The following MTR variants were observed in gnomAD, a reference collection of about 807,000 sequenced individuals.
MTR encodes the protein methionine synthase.
Under a neutral mutation model 154.8 loss-of-function variants are expected in MTR, and 84 were observed. That is an observed-to-expected ratio of 0.54 (90% CI 0.45 to 0.65). The LOEUF (loss-of-function observed/expected upper bound fraction) is 0.65, where lower values mean the gene tolerates loss of function less well. Ranked by LOEUF, MTR falls within the 30% of genes least tolerant of loss-of-function variation. The probability of loss-of-function intolerance (pLI) is 0.00; values close to 1 mark genes in which losing one functional copy is unlikely to be tolerated. For missense variants in MTR, 1,275 were observed against 1,570.2 expected, an observed-to-expected ratio of 0.81 and a Z score of 3.18; for synonymous variants, 554 against 553.9, an observed-to-expected ratio of 1.00 and a Z score of 0.00.
At chr1:236,843,330 C>T (rs1417815606) in intron 15 of MTR, among the ~76,000 whole-genome samples, 4 of 151,538 alleles carry the variant, frequency 2.6e-5, no homozygotes, top group Non-Finnish European at 5.9e-5. Flanking sequence ...AGATGCTTGT[C>T]CTGTTTGAAA....
chr1:236,812,478 C>G (rs541693683), intron 5 of MTR, among the ~76,000 whole-genome samples: 81 of 152,348 alleles, frequency 5.3e-4, no homozygotes, highest in African/African-American at 1.8e-3. Context: ...ATTCATACGC[C>G]TTCCCTCTCA....
Position 236,812,742 on chromosome 1 carries a change from T to C in MTR, c.507T>C (p.Phe169=). 2.5e-6 allele frequency: 4 copies of C among 1,613,952 alleles called. No individual in the cohort carries two copies. The highest frequency in any genetic ancestry group is 2.5e-6 in the Non-Finnish European group (3 of 1,179,848). Residue 169 remains phenylalanine, a synonymous_variant, in exon 6 of 33, where the codon TTT becomes TTC. Transcript: ENST00000366577. ...GGTGTGATTTATTTTTTGCAGCATT[T>C]GATGAGCTTGTTGAAGCATACCAAG... ...VERPDYRNIT[F]DELVEAYQEQ...
chr1:236,844,054 T>TA (rs1477665504), intron 15 of MTR, among the ~76,000 whole-genome samples: 1 of 152,128 alleles, frequency 6.6e-6, no homozygotes, highest in Non-Finnish European at 1.5e-5. Flanking sequence ...AAGTGAGTCT[T>TA]AGAGCCACAG....
chr1:236,869,333 T>C (rs1268316990), intron 22 of MTR, among the ~76,000 whole-genome samples: 1 of 152,192 alleles, frequency 6.6e-6, no homozygotes, highest in Non-Finnish European at 1.5e-5. Flanking sequence ...ATTAAATGCT[T>C]GCTCTCATAG....
chr1:236,881,921 T>C (rs1665757734), intron 25 of MTR, among the ~76,000 whole-genome samples: 1 of 152,172 alleles, frequency 6.6e-6, no homozygotes, highest in Admixed American at 6.5e-5. Context: ...GATTAGGAAC[T>C]CTGCTGAGAC....
chr1:236,859,163 TG>T (rs1664378214), intron 18 of MTR, among the ~76,000 whole-genome samples: 1 of 152,258 alleles, frequency 6.6e-6, no homozygotes, highest in African/African-American at 2.4e-5. Flanking sequence ...AGTATGGCCT[TG>T]GCCCCTGGTG....
rs943106018 is a variant in MTR at position 236,814,421 on chromosome 1, G to C, written c.610-1183G>C. Among the ~76,000 whole-genome samples, 3 of 152,130 alleles carry C rather than the reference G, an allele frequency of 2.0e-5. No individual in the cohort carries two copies. In the East Asian group the frequency reaches 5.8e-4, roughly 29 times the overall value. ...TTAAGCATTAAGGATAGGTTTTGTT[G>C]AGTTTCTAAGTTTTCGAATGTGTGG... On this transcript the variant is annotated intron_variant, in intron 6 of 32. Transcript: ENST00000366577.
intron 8 of MTR, chr1:236,819,566 A>G (rs948882994): frequency 5.1e-6 from 2 of 391,626 alleles, no homozygotes; most frequent in Admixed American, 3.6e-5. Flanking sequence ...TGGCCTTTCC[A>G]TGCTACTCAC....
At chr1:236,854,958 G>A (rs979139567) in intron 18 of MTR, among the ~76,000 whole-genome samples, 4 of 152,118 alleles carry the variant, frequency 2.6e-5, no homozygotes, top group African/African-American at 9.7e-5. Flanking sequence ...ATGTAACCAC[G>A]AGGGCTTCTT....
At chr1:236,796,834 T>C (rs1401607980) in intron 1 of MTR, among the ~76,000 whole-genome samples, 1 of 152,052 alleles carries the variant, frequency 6.6e-6, no homozygotes, top group African/African-American at 2.4e-5. Flanking sequence ...TTATATCTTA[T>C]TGAATAAATG....
chr1:236,825,140 A>ATTTTTTTTTTT (rs749672025), intron 9 of MTR, among the ~76,000 whole-genome samples, 198 bp from the exon 10 acceptor site: 2,446 of 113,586 alleles, frequency 0.022, 86 homozygotes, highest in South Asian at 0.056. Context: ...TTCCTCTGTG[A>ATTTTTTTTTTT]TTTTTTTTTT....
At chr1:236,830,155 A>G (rs1662528043) in intron 12 of MTR, among the ~76,000 whole-genome samples, 1 of 152,200 alleles carries the variant, frequency 6.6e-6, no homozygotes, top group South Asian at 2.1e-4. Context: ...TTGGGTTAAC[A>G]CATACGAACT....
chr1:236,810,558 G>A lies in MTR; in HGVS notation c.465G>A (p.Val155=), dbSNP rs758547775. 1 of 1,613,744 alleles carries A rather than the reference G, an allele frequency of 6.2e-7. No individual in the cohort carries two copies. The highest frequency in any genetic ancestry group is 8.5e-7 in the Non-Finnish European group (1 of 1,179,844). The change falls in exon 5 of 33, where the codon GTG becomes GTA. Residue 155 remains valine (V), a synonymous_variant. Transcript: ENST00000366577. The part of the protein sequence containing the change: ...ALGPTNKTLS[V]SPSVERPDYR... ...GTCCGACTAATAAGACACTCTCTGT[G>A]TCCCCATCTGTGGAAAGGCCGGATT... is the stretch of plus-strand genomic sequence containing the variant.
chr1:236,897,949 T>C lies in MTR; in HGVS notation c.*305T>C. The C allele has an allele frequency of 3.0e-6, 1 of 334,004 alleles. No individual in the cohort carries two copies. The highest frequency in any genetic ancestry group is 5.5e-6 in the Non-Finnish European group (1 of 182,910). 20.7% of individuals were successfully genotyped at this position (334,004 alleles called of 1,614,324 possible). A position where few individuals can be genotyped will look rare whatever the true frequency, so the allele number is the denominator to read the frequency against. On this transcript the variant is annotated 3_prime_UTR_variant, in exon 33 of 33. Transcript: ENST00000366577. ...AGAGGTCGTTTGATTTCAAAGCAAG[T>C]CAACCTGCTTTTTTCTGTTTTTACA...
intron 22 of MTR, among the ~76,000 whole-genome samples, chr1:236,872,038 ATTG>A (rs1484821588): frequency 6.6e-6 from 1 of 152,160 alleles, no homozygotes; most frequent in African/African-American, 2.4e-5. Context: ...AATTTTAAGA[ATTG>A]TTGATGTAAT....
intron 18 of MTR, among the ~76,000 whole-genome samples, chr1:236,859,508 G>A (rs926226103): frequency 9.9e-5 from 15 of 152,260 alleles, no homozygotes; most frequent in South Asian, 6.2e-4. Flanking sequence ...GAGCTTTGAA[G>A]GCTCATTGGG....
intron 2 of MTR, among the ~76,000 whole-genome samples, chr1:236,804,238 G>A (rs1660849653): frequency 6.6e-6 from 1 of 152,162 alleles, no homozygotes; most frequent in Admixed American, 6.5e-5. Flanking sequence ...GTCCCCATGA[G>A]ATTCATATGT....
intron 22 of MTR, among the ~76,000 whole-genome samples, chr1:236,871,325 C>T (rs1665117485): frequency 8.7e-6 from 1 of 115,270 alleles, no homozygotes; most frequent in Non-Finnish European, 1.8e-5. Context: ...GAACTTATCA[C>T]CCACAACTCT....
chr1:236,852,610 T>C lies in MTR; in HGVS notation c.1785T>C (p.His595=). The C allele has an allele frequency of 6.2e-7, 1 of 1,614,010 alleles. No homozygotes were observed. The highest frequency in any genetic ancestry group is 8.5e-7 in the Non-Finnish European group (1 of 1,179,916). Residue 595 remains histidine (H), a synonymous_variant, in exon 17 of 33, where the codon CAT becomes CAC. Transcript: ENST00000366577. Reference sequence around the variant, plus strand: ...TGGAAGCCATTCGAGAAGCAATGCATGGGGTTTTCCTTTACCATGCAATCA... The same window carrying C: ...TGGAAGCCATTCGAGAAGCAATGCACGGGGTTTTCCTTTACCATGCAATCA... ...RGMEAIREAM[H]GVFLYHAIKS...
Sources: gnomAD v4.1 joint callset for allele counts (sites outside exome capture counted in the v4.1 genomes callset) on GRCh38, gnomAD v4.1.1 for gene constraint, MANE v1.5 for transcripts, NCBI Gene and HGNC (gene_info 2026-07-23, HGNC 2026-07-21) for gene names.